The following ATP9A variants were observed in gnomAD, a reference collection of about 807,000 sequenced individuals.
ATP9A encodes the protein ATPase phospholipid transporting 9A.
Under a neutral mutation model 144.1 loss-of-function variants are expected in ATP9A, and 52 were observed. The ratio of observed to expected loss-of-function variants is 0.36; its 90% CI spans 0.29 to 0.45. The LOEUF (loss-of-function observed/expected upper bound fraction) is 0.45. Among genes scored for constraint, ATP9A ranks in the 20% least tolerant of loss-of-function variants. ATP9A has a pLI of 1.00. For missense variants in ATP9A, 947 were observed against 1,392.7 expected (o/e 0.68, Z 5.09); for synonymous variants, 582 against 557.4 (o/e 1.04, Z -0.62).
At chr20:51,646,673 C>G in intron 14 of ATP9A, among the ~76,000 whole-genome samples, 1 of 152,150 alleles carries the variant, frequency 6.6e-6, no homozygotes, top group Non-Finnish European at 1.5e-5. Context: ...GTTGGGCCTA[C>G]TATTTCCAGA....
intron 1 of ATP9A, among the ~76,000 whole-genome samples, chr20:51,763,728 T>G (rs1342777006): frequency 6.6e-6 from 1 of 152,194 alleles, no homozygotes; most frequent in Non-Finnish European, 1.5e-5. Flanking sequence ...CTGATTCATA[T>G]TCAAAACTTC....
At chr20:51,758,676 C>G (rs920372988) in intron 1 of ATP9A, among the ~76,000 whole-genome samples, 3 of 152,168 alleles carry the variant, frequency 2.0e-5, no homozygotes, top group African/African-American at 7.2e-5. Flanking sequence ...CTTGTAATCC[C>G]AGCACTTTGG....
At position 51,631,935 on chromosome 20, in the gene ATP9A, G is replaced by GC. The variant is rs148420854; in HGVS notation, c.1669-2864dup. ...AAGGAAATGGCCTTGCTTTGTGGGT[G>GC]CAAGAAGGTGCCATCTTGCACTGTG... On this transcript the variant is annotated intron_variant, in intron 15 of 27. Coordinates refer to ENST00000338821, the MANE Select transcript of ATP9A (RefSeq NM_006045.3). 6.9e-3 allele frequency among the ~76,000 whole-genome samples: 1,046 copies of GC among 152,362 alleles called. 9 individuals carry two copies. The highest frequency in any genetic ancestry group is 0.023 in the African/African-American group (971 of 41,578).
At chr20:51,726,954 T>C (rs2077716956) in intron 2 of ATP9A, among the ~76,000 whole-genome samples, 1 of 148,004 alleles carries the variant, frequency 6.8e-6, no homozygotes, top group African/African-American at 2.5e-5. Flanking sequence ...GAGGAGGTTT[T>C]TGCGGAAAAT....
chr20:51,648,211 A>G (rs1429495048), intron 14 of ATP9A, among the ~76,000 whole-genome samples: 1 of 152,160 alleles, frequency 6.6e-6, no homozygotes, highest in Non-Finnish European at 1.5e-5. Context: ...ATGGTTCACC[A>G]AGAATGTGCT....
chr20:51,669,054 T>C (rs1346428862), intron 13 of ATP9A, among the ~76,000 whole-genome samples: 3 of 152,238 alleles, frequency 2.0e-5, no homozygotes, highest in Non-Finnish European at 4.4e-5. Context: ...CCTTATTCTC[T>C]TGTTATCTCC....
intron 14 of ATP9A, among the ~76,000 whole-genome samples, chr20:51,646,838 C>T (rs558616445): frequency 5.3e-5 from 8 of 152,196 alleles, no homozygotes; most frequent in South Asian, 2.1e-4. Flanking sequence ...CACTTCTTGC[C>T]AGGCGCAGTG....
chr20:51,648,152 G>A (rs928710646), intron 14 of ATP9A, among the ~76,000 whole-genome samples: 14 of 152,114 alleles, frequency 9.2e-5, no homozygotes, highest in African/African-American at 3.1e-4. Flanking sequence ...TGGACCTGAG[G>A]CTGAGGCTCA....
At chr20:51,618,607 G>A (rs1290871047) in intron 21 of ATP9A, 55 bp downstream of exon 21, 1 of 1,555,790 alleles carries the variant, frequency 6.4e-7, no homozygotes, top group South Asian at 1.2e-5. Flanking sequence ...TTAGGGAAAG[G>A]GAGCCTGGTG....
intron 9 of ATP9A, among the ~76,000 whole-genome samples, chr20:51,683,430 G>GATTATT (rs141282258): frequency 1.1e-4 from 16 of 150,722 alleles, no homozygotes; most frequent in African/African-American, 3.9e-4. Context: ...ACGCCCAGCT[G>GATTATT]ATTATTATTA....
chr20:51,753,294 A>G (rs2077840559), intron 1 of ATP9A, among the ~76,000 whole-genome samples: 1 of 152,006 alleles, frequency 6.6e-6, no homozygotes, highest in African/African-American at 2.4e-5. Flanking sequence ...AAAACACAAA[A>G]ATTAGCTGGG....
intron 1 of ATP9A, among the ~76,000 whole-genome samples, chr20:51,732,045 C>T (rs2077744038): frequency 6.6e-6 from 1 of 152,070 alleles, no homozygotes; most frequent in African/African-American, 2.4e-5. Flanking sequence ...AGGGCGCCCC[C>T]AACGTGGTTT....
rs1568789182 is a variant in ATP9A, at chr20:51,622,032, GAAC to G, written c.2115+39_2115+41del. The G allele has an allele frequency of 1.9e-6, 3 of 1,565,782 alleles. No homozygotes were observed. The Admixed American group carries it at 5.0e-5, about 26-fold the overall frequency. ...AGGTTAGGAGGTTATAGGACAAATC[GAAC>G]ATCATCCCCACATGGCCCTAACGCA... On this transcript the variant is annotated intron_variant, in intron 19 of 27. Coordinates refer to ENST00000338821, the MANE Select transcript of ATP9A (RefSeq NM_006045.3).
Position 51,601,123 on chromosome 20 carries a change from C to T in ATP9A, c.*88G>A. ...CATGTGTTAGCAATTACTGCAAAAT[C>T]CACAGGTGGCGGTTAATATAAATGG... On this transcript the variant is annotated 3_prime_UTR_variant, in exon 28 of 28. Coordinates refer to ENST00000338821, the MANE Select transcript of ATP9A (RefSeq NM_006045.3). 6.9e-7 allele frequency: 1 copy of T among 1,451,148 alleles called. No homozygotes were observed. Among genetic ancestry groups the T allele is most frequent in the Non-Finnish European group, 9.2e-7 (1 of 1,084,864 alleles). 89.9% of individuals were successfully genotyped at this position (1,451,148 alleles called of 1,614,324 possible). A position where few individuals can be genotyped will look rare whatever the true frequency, so the allele number is the denominator to read the frequency against.
chr20:51,748,596 G>C (rs182143559), intron 1 of ATP9A, among the ~76,000 whole-genome samples: 86 of 152,204 alleles, frequency 5.7e-4, no homozygotes, highest in African/African-American at 2.0e-3. Context: ...ATAATGGCAA[G>C]GATGGACAAA....
At chr20:51,638,121 A>ATATATATATATATCTATC (rs2077302889) in intron 15 of ATP9A, among the ~76,000 whole-genome samples, 1 of 103,028 alleles carries the variant, frequency 9.7e-6, no homozygotes, top group African/African-American at 4.1e-5. Context: ...ATATATATAT[A>ATATATATATATATCTATC]TATCTCATAG....
At chr20:51,728,903 A>T (rs1406119930) in intron 2 of ATP9A, among the ~76,000 whole-genome samples, 2 of 152,202 alleles carry the variant, frequency 1.3e-5, no homozygotes, top group African/African-American at 4.8e-5. Flanking sequence ...TCTCAAAGTC[A>T]ACTGGTGTGT....
chr20:51,686,879 G>T (rs1023433387), intron 9 of ATP9A, among the ~76,000 whole-genome samples: 1 of 151,388 alleles, frequency 6.6e-6, no homozygotes, highest in African/African-American at 2.4e-5. Context: ...AGGTTGCAGC[G>T]AGCCAAGATG....
chr20:51,638,732 G>T (rs1208187740), intron 15 of ATP9A, among the ~76,000 whole-genome samples: 1 of 152,074 alleles, frequency 6.6e-6, no homozygotes, highest in Non-Finnish European at 1.5e-5. Flanking sequence ...CCCTGGTTTT[G>T]CAAGCCTGTA....
Sources: allele counts gnomAD v4.1 joint callset (sites outside exome capture counted in the v4.1 genomes callset), GRCh38; gene constraint gnomAD v4.1.1; transcripts MANE v1.5; gene names NCBI Gene and HGNC (gene_info 2026-07-23, HGNC 2026-07-21).